RBMS3: variants seen among roughly 807,000 people sequenced by gnomAD.
RBMS3 encodes the protein RNA-binding motif, single-stranded-interacting protein 3.
A neutral mutation model predicts 66.8 loss-of-function variants in RBMS3; 27 were observed. The observed-to-expected ratio is 0.40, with a 90% confidence interval of 0.30 to 0.56. The LOEUF (loss-of-function observed/expected upper bound fraction) is 0.56. Ranked by LOEUF, RBMS3 falls within the 20% of genes least tolerant of loss-of-function variation. The pLI is 0.40. For missense variants in RBMS3, 513 were observed against 549.5 expected, an observed-to-expected ratio of 0.93 and a Z score of 0.66; for synonymous variants, 188 against 183.0, an observed-to-expected ratio of 1.03 and a Z score of -0.22.
intron 4 of RBMS3, among the ~76,000 whole-genome samples, chr3:29,709,160 C>A (rs1053180741): frequency 6.6e-6 from 1 of 152,280 alleles, no homozygotes; most frequent in Non-Finnish European, 1.5e-5. Flanking sequence ...ACACATGACT[C>A]CCTCTAAACT....
intron 1 of RBMS3, among the ~76,000 whole-genome samples, chr3:29,286,817 TCAAAC>T (rs1422805099): frequency 6.6e-6 from 1 of 151,968 alleles, no homozygotes; most frequent in Non-Finnish European, 1.5e-5. Context: ...AATTCTAAAA[TCAAAC>T]CAAAACAACA....
chr3:29,329,895 A>AAT (rs939844457), intron 1 of RBMS3, among the ~76,000 whole-genome samples: 8 of 147,842 alleles, frequency 5.4e-5, no homozygotes, highest in South Asian at 2.1e-4. Context: ...CTATATAATT[A>AAT]ATATATATAT....
chr3:30,003,826 A>C, intron 14 of RBMS3, 30 bp from the exon 15 acceptor site: 2 of 1,391,780 alleles, frequency 1.4e-6, no homozygotes, highest in East Asian at 5.2e-5. Flanking sequence ...CTTTAATTTA[A>C]TGACCACTCT....
intron 1 of RBMS3, among the ~76,000 whole-genome samples, chr3:29,324,897 T>A (rs2035229545): frequency 6.6e-6 from 1 of 152,114 alleles, no homozygotes; most frequent in South Asian, 2.1e-4. Flanking sequence ...TCCCCACTGT[T>A]ATTTTTTTTT....
intron 4 of RBMS3, among the ~76,000 whole-genome samples, chr3:29,678,033 C>T (rs1175265921): frequency 6.6e-6 from 1 of 152,056 alleles, no homozygotes; most frequent in Non-Finnish European, 1.5e-5. Flanking sequence ...AGAATGCTAG[C>T]GATTATTTAT....
chr3:29,821,432 G>GT (rs1007260459), intron 6 of RBMS3, among the ~76,000 whole-genome samples: 4 of 152,082 alleles, frequency 2.6e-5, no homozygotes, highest in Non-Finnish European at 5.9e-5. Flanking sequence ...AGGAATCAGG[G>GT]TTTTTTACAT....
intron 4 of RBMS3, among the ~76,000 whole-genome samples, chr3:29,694,382 T>C (rs1341649520): frequency 6.6e-6 from 1 of 152,208 alleles, no homozygotes; most frequent in Non-Finnish European, 1.5e-5. Context: ...AGGGAACATG[T>C]CCTATTGTAG....
At chr3:29,775,839 T>TA (rs1228018203) in intron 6 of RBMS3, among the ~76,000 whole-genome samples, 3 of 151,948 alleles carry the variant, frequency 2.0e-5, no homozygotes, top group Admixed American at 6.6e-5. Flanking sequence ...CATAAAATCT[T>TA]AAAAAAATTT....
intron 6 of RBMS3, among the ~76,000 whole-genome samples, chr3:29,853,350 A>G (rs1243961917): frequency 6.7e-6 from 1 of 150,330 alleles, no homozygotes; most frequent in African/African-American, 2.5e-5. Flanking sequence ...TAACTATGTA[A>G]TTTTCCTTTA....
At chr3:29,791,259 T>G (rs566499873) in intron 6 of RBMS3, among the ~76,000 whole-genome samples, 1 of 152,344 alleles carries the variant, frequency 6.6e-6, no homozygotes, top group East Asian at 1.9e-4. Flanking sequence ...CCTGCATTGA[T>G]CTCATCTTAA....
At chr3:29,493,324 G>C (rs1314669867) in intron 3 of RBMS3, among the ~76,000 whole-genome samples, 1 of 152,264 alleles carries the variant, frequency 6.6e-6, no homozygotes, top group Admixed American at 6.5e-5. Flanking sequence ...GTAGATCCAG[G>C]CTGCCTGGGT....
intron 1 of RBMS3, among the ~76,000 whole-genome samples, chr3:29,418,830 T>C (rs2040584636): frequency 6.6e-6 from 1 of 152,158 alleles, no homozygotes; most frequent in South Asian, 2.1e-4. Context: ...ATGTTGTTAG[T>C]CCTTCTCTCA....
chr3:29,493,324 G>T (rs1314669867), intron 3 of RBMS3, among the ~76,000 whole-genome samples: 2 of 152,146 alleles, frequency 1.3e-5, no homozygotes, highest in Non-Finnish European at 2.9e-5. Context: ...GTAGATCCAG[G>T]CTGCCTGGGT....
chr3:29,701,446 G>T (rs993651580), intron 4 of RBMS3, among the ~76,000 whole-genome samples: 1 of 152,196 alleles, frequency 6.6e-6, no homozygotes, highest in Non-Finnish European at 1.5e-5. Flanking sequence ...CGCCCTCGGT[G>T]CCTCCTCAGC....
At chr3:29,954,841 A>C (rs1238677640) in intron 12 of RBMS3, among the ~76,000 whole-genome samples, 3 of 152,068 alleles carry the variant, frequency 2.0e-5, no homozygotes, top group East Asian at 3.9e-4. Context: ...TTCATCCTTC[A>C]CACACATTCT....
intron 3 of RBMS3, among the ~76,000 whole-genome samples, chr3:29,570,288 G>A (rs904509162): frequency 6.6e-6 from 1 of 151,832 alleles, no homozygotes. Flanking sequence ...GGAAAATGAC[G>A]TATCCATGCC....
chr3:29,655,215 A>G (rs1251154066), intron 4 of RBMS3, among the ~76,000 whole-genome samples: 1 of 152,176 alleles, frequency 6.6e-6, no homozygotes, highest in Non-Finnish European at 1.5e-5. Flanking sequence ...TGGCTTGTGA[A>G]TACTAAGTGG....
intron 4 of RBMS3, among the ~76,000 whole-genome samples, chr3:29,628,462 G>T (rs1240767729): frequency 1.3e-5 from 2 of 152,044 alleles, no homozygotes; most frequent in South Asian, 2.1e-4. Context: ...TTTTATAGGG[G>T]GCTGGTACTT....
chr3:29,315,424 A>G (rs1384085230), intron 1 of RBMS3, among the ~76,000 whole-genome samples: 1 of 151,872 alleles, frequency 6.6e-6, no homozygotes, highest in Non-Finnish European at 1.5e-5. Flanking sequence ...ATGTATACAC[A>G]CATACATACA....
Sources: gnomAD v4.1 joint callset for allele counts (sites outside exome capture counted in the v4.1 genomes callset) on GRCh38, gnomAD v4.1.1 for gene constraint, MANE v1.5 for transcripts, NCBI Gene and HGNC (gene_info 2026-07-23, HGNC 2026-07-21) for gene names.